Variants in CCNJL observed in about 807,000 individuals in gnomAD.
CCNJL encodes the protein cyclin J like, also known as cyclin-J-like protein.
A neutral mutation model predicts 33.4 loss-of-function variants in CCNJL; 33 were observed. That is an observed-to-expected ratio of 0.99 (90% CI 0.75 to 1.32). The LOEUF (loss-of-function observed/expected upper bound fraction) is 1.32. CCNJL is among the 40% of genes most tolerant of loss of function. CCNJL has a pLI of 0.00. For missense variants in CCNJL, 512 were observed against 499.7 expected (o/e 1.02, Z -0.23); for synonymous variants, 227 against 220.9 (o/e 1.03, Z -0.24).
chr5:160,320,838 TTTCTTTC>T (rs1763437722), intron 1 of CCNJL, among the ~76,000 whole-genome samples: 1 of 107,014 alleles, frequency 9.3e-6, no homozygotes, highest in Admixed American at 9.5e-5. Flanking sequence ...TCTTTCTTTC[TTTCTTTC>T]TTTCCTTCTT....
chr5:160,297,418 A>T (rs1440256276), intron 2 of CCNJL, among the ~76,000 whole-genome samples: 1 of 152,052 alleles, frequency 6.6e-6, no homozygotes, highest in East Asian at 1.9e-4. Context: ...TAGAATGCTG[A>T]ATCCCCTCTT....
chr5:160,267,949 T>C (rs1162617639), intron 3 of CCNJL, among the ~76,000 whole-genome samples: 1 of 152,256 alleles, frequency 6.6e-6, no homozygotes, highest in African/African-American at 2.4e-5. Flanking sequence ...AAGAGCTATA[T>C]GATCAACAGG....
At chr5:160,312,006 C>G (rs749294801) in intron 1 of CCNJL, 34 bp from the exon 2 acceptor site, 86 of 1,389,478 alleles carry the variant, frequency 6.2e-5, no homozygotes, top group Non-Finnish European at 8.1e-5. Flanking sequence ...GCGGCCAGAG[C>G]GTACCCCGGG....
intron 3 of CCNJL, among the ~76,000 whole-genome samples, chr5:160,261,611 G>A (rs755276291): frequency 6.6e-6 from 1 of 152,038 alleles, no homozygotes; most frequent in Non-Finnish European, 1.5e-5. Context: ...ATTGGCTTTG[G>A]CAGCTCCCCC....
intron 3 of CCNJL, among the ~76,000 whole-genome samples, chr5:160,263,153 A>C (rs1339786406): frequency 6.6e-6 from 1 of 152,238 alleles, no homozygotes; most frequent in Non-Finnish European, 1.5e-5. Context: ...TGCTCTGTCT[A>C]GGTGTATTCT....
At chr5:160,320,963 TCTG>T (rs1763444534) in intron 1 of CCNJL, among the ~76,000 whole-genome samples, 1 of 140,540 alleles carries the variant, frequency 7.1e-6, no homozygotes, top group Non-Finnish European at 1.5e-5. Flanking sequence ...TTCTCTCCTC[TCTG>T]TCTCTCCCTC....
intron 1 of CCNJL, among the ~76,000 whole-genome samples, chr5:160,331,222 C>CTTTTTTTTT (rs574507230): frequency 1.5e-5 from 2 of 131,434 alleles, no homozygotes; most frequent in Non-Finnish European, 3.2e-5. Flanking sequence ...TTCTTTCTTT[C>CTTTTTTTTT]TTTTTTTTTT....
chr5:160,321,063 TTTCTTTCTTTCTTTC>T (rs1479510940), intron 1 of CCNJL, among the ~76,000 whole-genome samples: 1,613 of 120,186 alleles, frequency 0.013, 150 homozygotes, highest in African/African-American at 0.063. Context: ...TCTTTCTTTC[TTTCTTTCTTTCTTTC>T]TTTCTTTCTT....
At chr5:160,320,822 TTTC>T (rs1763435265) in intron 1 of CCNJL, among the ~76,000 whole-genome samples, 5 of 113,292 alleles carry the variant, frequency 4.4e-5, no homozygotes, top group Non-Finnish European at 9.2e-5. Flanking sequence ...TCTTTCTTTC[TTTC>T]TTTCTTTCTT....
rs568292248 is a variant in CCNJL, at chr5:160,258,234, C to T, written c.583+1235G>A. On this transcript the variant is annotated intron_variant, in intron 4 of 5. Coordinates refer to ENST00000257536, the MANE Select transcript of CCNJL (RefSeq NM_001308173.3). ...AACAGTATTTTTTTTTTTTTTAAGA[C>T]CGAGTCTCGCTGGTCAAAATGGCTG... 7 of 631,704 alleles carry T rather than the reference C, an allele frequency of 1.1e-5. 1 individual carries two copies. The South Asian group carries it at 1.2e-4, about 11-fold the overall frequency. The allele number at this position is 631,704 out of a possible 1,614,324, so 39.1% of individuals were successfully genotyped here.
chr5:160,283,527 G>A (rs1266954687), intron 2 of CCNJL, among the ~76,000 whole-genome samples: 2 of 152,078 alleles, frequency 1.3e-5, no homozygotes, highest in East Asian at 3.9e-4. Context: ...GATTTGTGTG[G>A]TACAGGAGAC....
Position 160,253,814 on chromosome 5 carries a change from C to G in CCNJL, c.744-16G>C, listed in dbSNP as rs377751987. The stretch of plus-strand genomic sequence containing the variant: ...GTCATACACTCTGAAACGAGAAGAC[C>G]TGGGTGAGAACTGGAGGCCAAAAGC... On this transcript the variant is annotated splice_polypyrimidine_tract_variant and intron_variant, in intron 5 of 5. Transcript: ENST00000257536. The G allele has an allele frequency of 4.0e-6, 6 of 1,494,830 alleles. No homozygotes were observed. The South Asian group carries it at 6.7e-5, about 17-fold the overall frequency. The allele number at this position is 1,494,830 out of a possible 1,614,324, so 92.6% of individuals were successfully genotyped here.
At position 160,257,333 on chromosome 5, in the gene CCNJL, G is replaced by A. The variant is rs559986131; in HGVS notation, c.584-1625C>T. On this transcript the variant is annotated intron_variant, in intron 4 of 5. Coordinates refer to ENST00000257536, the MANE Select transcript of CCNJL (RefSeq NM_001308173.3). ...TACTAAAAATACAAAAAATTAGCCA[G>A]GCGTGGTGGCGGGCGCCTGTAATCC... Among the ~76,000 whole-genome samples the A allele has an allele frequency of 3.3e-5, 5 of 151,294 alleles. No homozygotes were observed. In the South Asian group the frequency reaches 1.1e-3, roughly 32 times the overall value.
intron 3 of CCNJL, among the ~76,000 whole-genome samples, chr5:160,271,468 C>T (rs1761831569): frequency 6.6e-6 from 1 of 152,244 alleles, no homozygotes. Flanking sequence ...TTAAGAGCTT[C>T]CGGCCCAGCC....
At chr5:160,329,555 T>A (rs1257054069) in intron 1 of CCNJL, among the ~76,000 whole-genome samples, 1 of 152,122 alleles carries the variant, frequency 6.6e-6, no homozygotes, top group Non-Finnish European at 1.5e-5. Context: ...TTCACCGTGT[T>A]AGCCAGGATG....
At chr5:160,261,979 T>G (rs1761356616) in intron 3 of CCNJL, among the ~76,000 whole-genome samples, 1 of 152,246 alleles carries the variant, frequency 6.6e-6, no homozygotes, top group Admixed American at 6.5e-5. Context: ...TTAGGCCATT[T>G]GAATTTTTCT....
At chr5:160,320,443 G>A (rs576589421) in intron 1 of CCNJL, among the ~76,000 whole-genome samples, 1 of 152,292 alleles carries the variant, frequency 6.6e-6, no homozygotes, top group Non-Finnish European at 1.5e-5. Flanking sequence ...GGCCCTCCTG[G>A]TCTAACTTCC....
In CCNJL at chr5:160,324,814, A is replaced by G. The variant is rs141248122; in HGVS notation, n.207-9309T>C. On this transcript the variant is annotated intron_variant and non_coding_transcript_variant, in intron 1 of 7. Transcript: ENST00000377503. ...CTGTCCTTTACCAATCTTTCTGTTG[A>G]TGTCTTAGAGTTTTGCTAAAGGAAG... Among the ~76,000 whole-genome samples the G allele has an allele frequency of 4.8e-3, 733 of 152,190 alleles. 9 individuals carry two copies. Among genetic ancestry groups the G allele is most frequent in the African/African-American group, 0.016 (669 of 41,500 alleles).
chr5:160,290,986 A>C (rs1381287090), intron 2 of CCNJL, among the ~76,000 whole-genome samples: 1 of 137,596 alleles, frequency 7.3e-6, no homozygotes, highest in Non-Finnish European at 1.6e-5. Flanking sequence ...AGACAGGAGG[A>C]TCGCTTGATG....
Sources: allele counts gnomAD v4.1 joint callset (sites outside exome capture counted in the v4.1 genomes callset), GRCh38; gene constraint gnomAD v4.1.1; transcripts MANE v1.5; gene names NCBI Gene and HGNC (gene_info 2026-07-23, HGNC 2026-07-21).